Variants in DIAPH3 observed in about 807,000 individuals in gnomAD.
DIAPH3 encodes the protein diaphanous related formin 3.
DIAPH3 carries 117 observed loss-of-function variants against 144.3 expected under a neutral mutation model. The ratio of observed to expected loss-of-function variants is 0.81; its 90% CI spans 0.70 to 0.95. DIAPH3 has a LOEUF of 0.95. DIAPH3 is among the 40% of genes least tolerant of loss of function. The pLI is 0.00. For missense variants in DIAPH3, 1,421 were observed against 1,412.7 expected (o/e 1.01, Z -0.09); for synonymous variants, 519 against 488.9 (o/e 1.06, Z -0.81).
At chr13:60,018,996 G>C (rs2053836161) in intron 5 of DIAPH3, among the ~76,000 whole-genome samples, 1 of 152,030 alleles carries the variant, frequency 6.6e-6, no homozygotes, top group Non-Finnish European at 1.5e-5. Context: ...CACTCACAAA[G>C]CAATAATCTC....
At chr13:59,807,718 T>C (rs1316146222) in intron 25 of DIAPH3, among the ~76,000 whole-genome samples, 1 of 152,022 alleles carries the variant, frequency 6.6e-6, no homozygotes, top group Non-Finnish European at 1.5e-5. Flanking sequence ...GCAGACCATG[T>C]TTAGGAAGAG....
At chr13:60,056,677 T>C (rs2056572477) in intron 4 of DIAPH3, among the ~76,000 whole-genome samples, 1 of 151,628 alleles carries the variant, frequency 6.6e-6, no homozygotes, top group Admixed American at 6.6e-5. Flanking sequence ...TACCAGATGA[T>C]CCTGGAAGAC....
chr13:59,763,352 G>A (rs1415928587), intron 27 of DIAPH3, among the ~76,000 whole-genome samples: 1 of 151,668 alleles, frequency 6.6e-6, no homozygotes, highest in Non-Finnish European at 1.5e-5. Flanking sequence ...ACACATATGT[G>A]TATGCATGTA....
chr13:59,675,385 ATTT>A (rs1220590409), intron 27 of DIAPH3, among the ~76,000 whole-genome samples: 3 of 138,116 alleles, frequency 2.2e-5, no homozygotes, highest in African/African-American at 2.7e-5. Flanking sequence ...GCTATTTTTA[ATTT>A]TTTTTTTTTT....
chr13:59,923,804 T>C (rs960752189), intron 18 of DIAPH3, among the ~76,000 whole-genome samples: 1 of 152,154 alleles, frequency 6.6e-6, no homozygotes, highest in Non-Finnish European at 1.5e-5. Context: ...CAGGCCTGCA[T>C]TGTAGAAAAG....
At chr13:59,835,045 T>A (rs942232093) in intron 23 of DIAPH3, among the ~76,000 whole-genome samples, 1 of 151,774 alleles carries the variant, frequency 6.6e-6, no homozygotes, top group African/African-American at 2.4e-5. Flanking sequence ...CACAAATATA[T>A]CCCACATTTA....
At chr13:60,132,177 T>C (rs142957050) in intron 2 of DIAPH3, among the ~76,000 whole-genome samples, 4 of 152,346 alleles carry the variant, frequency 2.6e-5, no homozygotes, top group African/African-American at 7.2e-5. Flanking sequence ...GTCTTTGTAT[T>C]CTGCCTTACC....
In DIAPH3 at chr13:59,696,045, A is replaced by G. The variant is rs185877631; in HGVS notation, c.3320-29199T>C. On this transcript the variant is annotated intron_variant, in intron 27 of 27. Transcript: ENST00000400324. ...ACTTACTAAATCCTCAAATGAAAGG[A>G]TTGAAAGGTTGAGAGGTAAGGATGC... is the stretch of plus-strand genomic sequence containing the variant. The G allele has an allele frequency of 8.5e-5, 13 of 152,332 alleles. 1 individual carries two copies. The highest frequency in any genetic ancestry group is 7.2e-4 in the Admixed American group (11 of 15,310). 9.4% of individuals were successfully genotyped at this position (152,332 alleles called of 1,614,324 possible). A position where few individuals can be genotyped will look rare whatever the true frequency, so the allele number is the denominator to read the frequency against.
In DIAPH3 at chr13:59,812,407, G is replaced by A. The variant is rs1356863240; in HGVS notation, c.3028-1484C>T. 2.6e-5 allele frequency among the ~76,000 whole-genome samples: 4 copies of A among 152,024 alleles called. No homozygotes were observed. In the South Asian group the frequency reaches 8.3e-4, roughly 32 times the overall value. On this transcript the variant is annotated intron_variant, in intron 24 of 27. Coordinates refer to ENST00000400324, the MANE Select transcript of DIAPH3 (RefSeq NM_001042517.2). ...TAGGGGAGAAAAAAAAAGAGAGAGA[G>A]GAAAGGAAGGCGGAGAGGGGAGAAG...
intron 22 of DIAPH3, 121 bp downstream of exon 22, chr13:59,861,286 G>T: frequency 6.4e-7 from 1 of 1,564,486 alleles, no homozygotes; most frequent in South Asian, 1.2e-5. Flanking sequence ...TTTTTAAAAT[G>T]AGATATTGGG....
At chr13:60,156,940 T>TATATATATATATATATATATATATATA (rs58923567) in intron 1 of DIAPH3, among the ~76,000 whole-genome samples, 6 of 27,912 alleles carry the variant, frequency 2.1e-4, no homozygotes, top group East Asian at 4.2e-4. Flanking sequence ...TATATATATA[T>TATATATATATATATATATATATATATA]TTTTTTTTTT....
intron 4 of DIAPH3, among the ~76,000 whole-genome samples, chr13:60,086,673 A>G (rs576397880): frequency 6.6e-6 from 1 of 152,124 alleles, no homozygotes; most frequent in African/African-American, 2.4e-5. Context: ...TCTAGTGGTT[A>G]AAATATAAGC....
chr13:59,740,225 C>CG (rs1026022821), intron 27 of DIAPH3, among the ~76,000 whole-genome samples: 1 of 152,120 alleles, frequency 6.6e-6, no homozygotes, highest in African/African-American at 2.4e-5. Context: ...AGAACCATTA[C>CG]GGAATATTTT....
intron 12 of DIAPH3, among the ~76,000 whole-genome samples, chr13:59,984,560 T>C (rs2051261444): frequency 1.3e-5 from 2 of 151,680 alleles, no homozygotes; most frequent in South Asian, 2.1e-4. Flanking sequence ...ATCAACAAAA[T>C]TGATAGATCG....
intron 1 of DIAPH3, among the ~76,000 whole-genome samples, chr13:60,151,560 A>G (rs1015603685): frequency 1.3e-5 from 2 of 152,220 alleles, no homozygotes; most frequent in Non-Finnish European, 2.9e-5. Context: ...TTCATCATGA[A>G]TGGGTTAATG....
chr13:59,841,000 T>C (rs1336452029), intron 22 of DIAPH3, among the ~76,000 whole-genome samples: 1 of 152,154 alleles, frequency 6.6e-6, no homozygotes, highest in Non-Finnish European at 1.5e-5. Flanking sequence ...TGGTAACATA[T>C]ATTTCCTATG....
rs56267083 is a variant in DIAPH3 at position 60,125,394 on chromosome 13, A to ATTTTTTTTTTTTTT, written c.213+7549_213+7562dup. On this transcript the variant is annotated intron_variant, in intron 2 of 27. Coordinates refer to ENST00000400324, the MANE Select transcript of DIAPH3 (RefSeq NM_001042517.2). ...ATCTGCATACCATCACACCCAGCTA[A>ATTTTTTTTTTTTTT]TTTTTTTTTTTTTTTTTTTTTTTTT... 8.1e-4 allele frequency among the ~76,000 whole-genome samples: 79 copies of ATTTTTTTTTTTTTT among 97,848 alleles called. 6 individuals carry two copies. The highest frequency in any genetic ancestry group is 4.2e-3 in the East Asian group (10 of 2,386). The allele number at this position is 97,848 out of a possible 152,430, so 64.2% of individuals were successfully genotyped here.
chr13:59,692,083 T>C (rs2033553698), intron 27 of DIAPH3, among the ~76,000 whole-genome samples: 1 of 147,998 alleles, frequency 6.8e-6, no homozygotes, highest in Non-Finnish European at 1.5e-5. Flanking sequence ...AATACTAGAA[T>C]AAAACTTATT....
chr13:59,981,582 T>C (rs1209394991), intron 13 of DIAPH3, among the ~76,000 whole-genome samples: 1 of 151,060 alleles, frequency 6.6e-6, no homozygotes, highest in Non-Finnish European at 1.5e-5. Context: ...TTATGATATA[T>C]ATACATGATA....
Sources: gnomAD v4.1 joint callset for allele counts (sites outside exome capture counted in the v4.1 genomes callset) on GRCh38, gnomAD v4.1.1 for gene constraint, MANE v1.5 for transcripts, NCBI Gene and HGNC (gene_info 2026-07-23, HGNC 2026-07-21) for gene names.